The following CALHM1 variants were observed in gnomAD, a reference collection of about 807,000 sequenced individuals.
CALHM1 encodes calcium homeostasis modulator 1.
CALHM1 carries 11 observed loss-of-function variants against 14.8 expected under a neutral mutation model. The observed-to-expected ratio is 0.74, with a 90% CI of 0.47 to 1.23. CALHM1 has a LOEUF of 1.23. CALHM1 is among the 50% of genes most tolerant of loss of function. The pLI is 0.00. For synonymous variants in CALHM1, 215 were observed against 218.9 expected, an observed-to-expected ratio of 0.98 and a Z score of 0.16; for missense variants, 458 against 496.4, an observed-to-expected ratio of 0.92 and a Z score of 0.74.
intron 1 of CALHM1, among the ~76,000 whole-genome samples, 155 bp from the exon 2 acceptor site, chr10:103,455,902 A>C (rs1361756316): frequency 1.3e-5 from 2 of 152,230 alleles, no homozygotes; most frequent in African/African-American, 4.8e-5. Context: ...TCATCTGTAA[A>C]ATGGGCATAG....
Position 103,458,123 on chromosome 10 carries a change from T to A in CALHM1, c.555+74A>T. The A allele has an allele frequency of 6.5e-7, 1 of 1,529,314 alleles. No homozygotes were observed. The highest frequency in any genetic ancestry group is 1.2e-5 in the South Asian group (1 of 86,650). The allele number at this position is 1,529,314 out of a possible 1,614,324, so 94.7% of individuals were successfully genotyped here. ...TGAGCAGAGGCCCCATTTTGAGAGGTAGGGGGATAGGGCCCTCCCAGAGGG... is the reference window on the plus strand; with the variant it reads ...TGAGCAGAGGCCCCATTTTGAGAGGAAGGGGGATAGGGCCCTCCCAGAGGG... On this transcript the variant is annotated intron_variant, in intron 1 of 1. Coordinates refer to ENST00000329905, the MANE Select transcript of CALHM1 (RefSeq NM_001001412.4). The surrounding 1 kb of genome is among the most constrained non-coding windows in gnomAD (Gnocchi z 4.9).
chr10:103,455,631 G>T lies in CALHM1; in HGVS notation c.672C>A (p.Ile224=), dbSNP rs777784868. The change falls in exon 2 of 2, where the codon ATC becomes ATA. Residue 224 remains isoleucine, a synonymous_variant. Transcript: ENST00000329905. ...FLKSKYWSHY[I]DIERKLFDET... ...CGTCGAAGAGCTTGCGCTCGATGTC[G>T]ATATAGTGGGACCAGTACTTGCTCT... is the stretch of plus-strand genomic sequence containing the variant. 1.2e-6 allele frequency: 2 copies of T among 1,613,704 alleles called. No individual in the cohort carries two copies. Among genetic ancestry groups the T allele is most frequent in the African/African-American group, 1.3e-5 (1 of 74,954 alleles).
In CALHM1 at chr10:103,455,159, G is replaced by C. The variant is rs1310483679; in HGVS notation, c.*103C>G. The C allele has an allele frequency of 2.1e-6, 3 of 1,430,142 alleles. No homozygotes were observed. The highest frequency in any genetic ancestry group is 2.8e-6 in the Non-Finnish European group (3 of 1,083,302). 88.6% of individuals were successfully genotyped at this position (1,430,142 alleles called of 1,614,324 possible). On this transcript the variant is annotated 3_prime_UTR_variant, in exon 2 of 2. Transcript: ENST00000329905. Reference sequence around the variant, plus strand: ...CTAGGGAGTGTGGATCTGCCTAGGGGAGTACTGCCCAGCACTGAAACCCTT... The same window carrying C: ...CTAGGGAGTGTGGATCTGCCTAGGGCAGTACTGCCCAGCACTGAAACCCTT...
In CALHM1 at chr10:103,455,296, C is replaced by T. The variant is rs372241091; in HGVS notation, c.1007G>A (p.Arg336His). Reference protein sequence around the residue: ...GWAGGGPRPPRKEVATYFSKV With the variant: ...GWAGGGPRPPHKEVATYFSKV ...GCTGAAGTAGGTGGCCACCTCCTTACGCGGAGGCCGGGGCCCACCCCCAGC... is the reference window on the plus strand; with the variant it reads ...GCTGAAGTAGGTGGCCACCTCCTTATGCGGAGGCCGGGGCCCACCCCCAGC... The change falls in exon 2 of 2, where the codon CGT (arginine) becomes CAT (histidine). Residue 336 changes from arginine (R) to histidine (H), a missense_variant. By Grantham distance (29) the Arg-to-His change is conservative. Coordinates refer to ENST00000329905, the MANE Select transcript of CALHM1 (RefSeq NM_001001412.4). The T allele has an allele frequency of 2.5e-5, 41 of 1,611,740 alleles. 1 individual carries two copies. Among genetic ancestry groups the T allele is most frequent in the South Asian group, 1.9e-4 (17 of 90,728 alleles).
Position 103,458,341 on chromosome 10 carries a change from T to A in CALHM1, c.411A>T (p.Ala137=), listed in dbSNP as rs746290779. The change falls in exon 1 of 2, where the codon GCA becomes GCT. Residue 137 remains alanine, a synonymous_variant. Coordinates refer to ENST00000329905, the MANE Select transcript of CALHM1 (RefSeq NM_001001412.4). The surrounding 1 kb of genome is among the most constrained non-coding windows in gnomAD (Gnocchi z 4.9). ...CAFCTAVPVS[A]LGNGSLAPGL... is the part of the protein sequence containing the mutation. Reference sequence around the variant, plus strand: ...CGGGTGCCAGGCTGCCGTTGCCCAGTGCGCTCACGGGCACGGCAGTGCAGA... The same window carrying A: ...CGGGTGCCAGGCTGCCGTTGCCCAGAGCGCTCACGGGCACGGCAGTGCAGA... 1 of 1,610,912 alleles carries A rather than the reference T, an allele frequency of 6.2e-7. No homozygotes were observed. Among genetic ancestry groups the A allele is most frequent in the Non-Finnish European group, 8.5e-7 (1 of 1,178,736 alleles).
chr10:103,458,356 G>A lies in CALHM1; in HGVS notation c.396C>T (p.Ala132=), dbSNP rs766278100. 33 of 1,610,750 alleles carry A rather than the reference G, an allele frequency of 2.0e-5. No homozygotes were observed. Among genetic ancestry groups the A allele is most frequent in the East Asian group, 4.5e-5 (2 of 44,822 alleles). Residue 132 remains alanine (A), a synonymous_variant, in exon 1 of 2, where the codon GCC becomes GCT. Coordinates refer to ENST00000329905, the MANE Select transcript of CALHM1 (RefSeq NM_001001412.4). The surrounding 1 kb of genome is among the most constrained non-coding windows in gnomAD (Gnocchi z 4.9). ...CGTTGCCCAGTGCGCTCACGGGCAC[G>A]GCAGTGCAGAAGGCACAGAGGAAGC... ...GKCFLCAFCT[A]VPVSALGNGS... is the part of the protein sequence containing the mutation.
chr10:103,456,641 G>A (rs994674000), intron 1 of CALHM1, among the ~76,000 whole-genome samples: 3 of 152,234 alleles, frequency 2.0e-5, no homozygotes, highest in Admixed American at 1.3e-4. Flanking sequence ...CAGAGCACAC[G>A]GGGTGGGGAG....
At position 103,454,325 on chromosome 10, in the gene CALHM1, T is replaced by C. The variant is rs2033115572; in HGVS notation, c.*937A>G. ...AGACACCATTTGACCCAGTTCTGTC[T>C]CACTCTGGAATCTGAGCTGCTTTCT... On this transcript the variant is annotated 3_prime_UTR_variant, in exon 2 of 2. Transcript: ENST00000329905. The C allele has an allele frequency of 6.6e-6, 1 of 152,418 alleles. No individual in the cohort carries two copies. Among genetic ancestry groups the C allele is most frequent in the South Asian group, 2.1e-4 (1 of 4,830 alleles). 9.4% of individuals were successfully genotyped at this position (152,418 alleles called of 1,614,324 possible).
chr10:103,455,696 G>A lies in CALHM1; in HGVS notation c.607C>T (p.Arg203Cys), dbSNP rs754682859. 5 of 1,613,236 alleles carry A rather than the reference G, an allele frequency of 3.1e-6. No homozygotes were observed. Among genetic ancestry groups the A allele is most frequent in the Admixed American group, 1.7e-5 (1 of 59,992 alleles). Residue 203 changes from arginine to cysteine, a missense_variant, in exon 2 of 2, where the codon CGC becomes TGC. Arg to Cys is a radical substitution (Grantham distance 180, BLOSUM62 -3). Coordinates refer to ENST00000329905, the MANE Select transcript of CALHM1 (RefSeq NM_001001412.4). The part of the protein sequence containing the change: ...LLTTLLAFVV[R>C]SVRPCFTQAA... The stretch of plus-strand genomic sequence containing the variant: ...TGCGTGAAGCAGGGCCGCACAGAGC[G>A]CACCACGAATGCCAGCAGAGTGGTC...
rs1162958399 is a variant in CALHM1 at position 103,458,484 on chromosome 10, C to T, written c.268G>A (p.Ala90Thr). 3 of 1,612,948 alleles carry T rather than the reference C, an allele frequency of 1.9e-6. No homozygotes were observed. The highest frequency in any genetic ancestry group is 2.2e-5 in the East Asian group (1 of 44,860). ...TAGCGCAACACAGCGGGGTCCTTGG[C>T]CCGGCGGCCCAGCGGCCGCTTCCAC... The part of the protein sequence containing the change: ...EEWKRPLGRR[A>T]KDPAVLRYMF... The change falls in exon 1 of 2, where the codon GCC (alanine) becomes ACC (threonine). Residue 90 changes from alanine to threonine, a missense_variant. Coordinates refer to ENST00000329905, the MANE Select transcript of CALHM1 (RefSeq NM_001001412.4). This position sits in a 1 kb window ranked among gnomAD's most constrained non-coding sequence, Gnocchi z 4.9.
rs1360875129 is a variant in CALHM1 at position 103,454,456 on chromosome 10, T to C, written c.*806A>G. On this transcript the variant is annotated 3_prime_UTR_variant, in exon 2 of 2. Coordinates refer to ENST00000329905, the MANE Select transcript of CALHM1 (RefSeq NM_001001412.4). The stretch of plus-strand genomic sequence containing the variant: ...CAAGAGGTGGGGTCTTTGAGAAAAA[T>C]GGAGAGACTTCAGCTTCTGTGTCTA... 1 of 152,174 alleles carries C rather than the reference T, an allele frequency of 6.6e-6. No homozygotes were observed. Among genetic ancestry groups the C allele is most frequent in the African/African-American group, 2.4e-5 (1 of 41,426 alleles). The allele number at this position is 152,174 out of a possible 1,614,324, so 9.4% of individuals were successfully genotyped here.
At chr10:103,456,464 C>T (rs753844766) in intron 1 of CALHM1, among the ~76,000 whole-genome samples, 21 of 152,264 alleles carry the variant, frequency 1.4e-4, no homozygotes, top group Non-Finnish European at 2.5e-4. Flanking sequence ...GAGCACCCTG[C>T]GCTTGGTTCC....
chr10:103,456,551 C>A (rs1166062764), intron 1 of CALHM1, among the ~76,000 whole-genome samples: 1 of 152,244 alleles, frequency 6.6e-6, no homozygotes, highest in Non-Finnish European at 1.5e-5. Context: ...TAGGCCCCAG[C>A]CGCACAGAGA....
At position 103,454,655 on chromosome 10, in the gene CALHM1, C is replaced by T. The variant is rs1022298182; in HGVS notation, c.*607G>A. The T allele has an allele frequency of 2.6e-5, 4 of 153,562 alleles. No individual in the cohort carries two copies. The highest frequency in any genetic ancestry group is 7.2e-5 in the African/African-American group (3 of 41,460). The allele number at this position is 153,562 out of a possible 1,614,324, so 9.5% of individuals were successfully genotyped here. A position where few individuals can be genotyped will look rare whatever the true frequency, so the allele number is the denominator to read the frequency against. ...ACATGACCCCCATGGTGACCACACA[C>T]TCTGACCTCTTCCATGTGAACCTAG... is the stretch of plus-strand genomic sequence containing the variant. On this transcript the variant is annotated 3_prime_UTR_variant, in exon 2 of 2. Transcript: ENST00000329905.
chr10:103,457,844 C>T (rs1469268681), intron 1 of CALHM1, among the ~76,000 whole-genome samples: 3 of 152,230 alleles, frequency 2.0e-5, no homozygotes, highest in Non-Finnish European at 4.4e-5. Context: ...CCTAGCCACC[C>T]ACTGGCCTCA....
At position 103,455,263 on chromosome 10, in the gene CALHM1, C is replaced by A; in HGVS notation, c.1040G>T (p.Ter347LeuextTer5). 1 of 1,597,712 alleles carries A rather than the reference C, an allele frequency of 6.3e-7. No homozygotes were observed. The highest frequency in any genetic ancestry group is 8.5e-7 in the Non-Finnish European group (1 of 1,171,762). The change falls in exon 2 of 2, where the codon TGA becomes TTA. Residue 347 changes from the stop codon to leucine (L), a stop_lost. Coordinates refer to ENST00000329905, the MANE Select transcript of CALHM1 (RefSeq NM_001001412.4). ...CCTGCCTCTTCAGCTGGCCACACCT[C>A]ACACTTTGCTGAAGTAGGTGGCCAC... is the stretch of plus-strand genomic sequence containing the variant. ...KEVATYFSKV[*>L]
Position 103,458,486 on chromosome 10 carries a change from C to T in CALHM1, c.266G>A (p.Arg89Gln), listed in dbSNP as rs750491195. Residue 89 changes from arginine to glutamine, a missense_variant, in exon 1 of 2, where the codon CGG becomes CAG. Arg to Gln is a conservative substitution (Grantham distance 43). Coordinates refer to ENST00000329905, the MANE Select transcript of CALHM1 (RefSeq NM_001001412.4). This position sits in a 1 kb window ranked among gnomAD's most constrained non-coding sequence, Gnocchi z 4.9. Reference protein sequence around the residue: ...AEEWKRPLGRRAKDPAVLRYM... With the variant: ...AEEWKRPLGRQAKDPAVLRYM... Reference sequence around the variant, plus strand: ...GCGCAACACAGCGGGGTCCTTGGCCCGGCGGCCCAGCGGCCGCTTCCACTC... The same window carrying T: ...GCGCAACACAGCGGGGTCCTTGGCCTGGCGGCCCAGCGGCCGCTTCCACTC... 125 of 1,612,838 alleles carry T rather than the reference C, an allele frequency of 7.8e-5. No individual in the cohort carries two copies. The highest frequency in any genetic ancestry group is 2.5e-4 in the Admixed American group (15 of 59,992).
Position 103,458,772 on chromosome 10 carries a change from T to G in CALHM1, c.-21A>C. The stretch of plus-strand genomic sequence containing the variant: ...ATCATGCCCGCTGTGGGGCCCGGCC[T>G]CCTCTTCCCAACTCACTGCTGCCTC... On this transcript the variant is annotated 5_prime_UTR_variant, in exon 1 of 2. Transcript: ENST00000329905. The surrounding 1 kb of genome is among the most constrained non-coding windows in gnomAD (Gnocchi z 4.9). 1 of 1,578,936 alleles carries G rather than the reference T, an allele frequency of 6.3e-7. No individual in the cohort carries two copies. Among genetic ancestry groups the G allele is most frequent in the South Asian group, 1.2e-5 (1 of 84,724 alleles).
In CALHM1 at chr10:103,455,596, G is replaced by A. The variant is rs1249809393; in HGVS notation, c.707C>T (p.Thr236Met). Residue 236 changes from threonine (T) to methionine (M), a missense_variant, in exon 2 of 2, where the codon ACG becomes ATG. Thr to Met is a moderately conservative substitution (Grantham distance 81, BLOSUM62 -1). Coordinates refer to ENST00000329905, the MANE Select transcript of CALHM1 (RefSeq NM_001001412.4). ...CTTGGCAAAGGCTTTGGCGTGCTCC[G>A]TGCACGTCTCGTCGAAGAGCTTGCG... ...IERKLFDETC[T>M]EHAKAFAKVC... 8 of 1,613,912 alleles carry A rather than the reference G, an allele frequency of 5.0e-6. No homozygotes were observed. Among genetic ancestry groups the A allele is most frequent in the East Asian group, 2.2e-5 (1 of 44,904 alleles).
Sources: gnomAD v4.1 joint callset for allele counts (sites outside exome capture counted in the v4.1 genomes callset) on GRCh38, gnomAD v4.1.1 for gene constraint, Gnocchi (gnomAD v3.1) non-coding constraint, MANE v1.5 for transcripts, NCBI Gene and HGNC (gene_info 2026-07-23, HGNC 2026-07-21) for gene names.